Variants in ARMC2 observed in about 807,000 individuals in gnomAD.
ARMC2 encodes armadillo repeat containing 2, also known as armadillo repeat-containing protein 2.
Under a neutral mutation model 90.3 loss-of-function variants are expected in ARMC2, and 67 were observed. The ratio of observed to expected loss-of-function variants is 0.74; its 90% CI spans 0.61 to 0.91. The LOEUF (loss-of-function observed/expected upper bound fraction) is 0.91, where lower values mean the gene tolerates loss of function less well. Among genes scored for constraint, ARMC2 ranks in the 40% least tolerant of loss-of-function variants. The pLI is 0.00. For missense variants in ARMC2, 920 were observed against 1,030.9 expected (o/e 0.89, Z 1.47); for synonymous variants, 393 against 393.0 (o/e 1.00, Z 0.00).
the ARMC2 span, chr6:109,000,610 C>T: frequency 1.2e-6 from 2 of 1,611,814 alleles, no homozygotes; most frequent in Admixed American, 1.7e-5. Flanking sequence ...GGGTCCCCAC[C>T]AACATGAAGG....
the ARMC2 span, chr6:108,994,574 C>A: frequency 1.2e-6 from 2 of 1,613,262 alleles, no homozygotes; most frequent in Admixed American, 1.7e-5. Flanking sequence ...TCATCTTTTC[C>A]ATGAGGGCTT....
At chr6:109,027,553 A>G in the ARMC2 span, among the ~76,000 whole-genome samples, 2 of 151,544 alleles carry the variant, frequency 1.3e-5, no homozygotes, top group Non-Finnish European at 2.9e-5. Flanking sequence ...ATTTTAGTCA[A>G]TCTAATGGGT....
At chr6:109,042,696 A>G in the ARMC2 span, among the ~76,000 whole-genome samples, 1 of 152,192 alleles carries the variant, frequency 6.6e-6, no homozygotes, top group South Asian at 2.1e-4. Context: ...ATTGCTATTA[A>G]GAAAATTGAA....
At chr6:108,943,415 A>G (rs1000542669) in intron 12 of ARMC2, among the ~76,000 whole-genome samples, 2 of 152,202 alleles carry the variant, frequency 1.3e-5, no homozygotes, top group Non-Finnish European at 2.9e-5. Flanking sequence ...AAGCATTATT[A>G]TAAAGACAAA....
the ARMC2 span, chr6:109,009,366 T>C: frequency 6.8e-7 from 1 of 1,469,020 alleles, no homozygotes; most frequent in Non-Finnish European, 9.0e-7. Flanking sequence ...TACCTCGTCC[T>C]GGTCGCGGCC....
intron 2 of ARMC2, among the ~76,000 whole-genome samples, chr6:108,856,961 A>G (rs148266820): frequency 1.9e-4 from 29 of 152,198 alleles, no homozygotes; most frequent in African/African-American, 6.7e-4. Flanking sequence ...TACTGTCTTT[A>G]TTATTGTAGC....
chr6:108,904,803 C>T lies in ARMC2; in HGVS notation c.1023+398C>T, dbSNP rs151250757. On this transcript the variant is annotated intron_variant, in intron 8 of 17. Transcript: ENST00000392644. ...AGTGGTTTCTCTTGGATGCTTGATTCTGTCATATGATTTAATAAATAACTA... is the reference window on the plus strand; with the variant it reads ...AGTGGTTTCTCTTGGATGCTTGATTTTGTCATATGATTTAATAAATAACTA... 1.8e-3 allele frequency among the ~76,000 whole-genome samples: 272 copies of T among 152,274 alleles called. 2 individuals carry two copies. Among genetic ancestry groups the T allele is most frequent in the East Asian group, 0.011 (56 of 5,188 alleles).
intron 8 of ARMC2, among the ~76,000 whole-genome samples, chr6:108,908,705 G>A (rs1223946013): frequency 1.3e-5 from 2 of 151,858 alleles, no homozygotes; most frequent in East Asian, 1.9e-4. Flanking sequence ...CTGTAATGGC[G>A]GCATCACTGC....
At chr6:108,857,745 A>G (rs1774793769) in intron 2 of ARMC2, among the ~76,000 whole-genome samples, 1 of 150,430 alleles carries the variant, frequency 6.6e-6, no homozygotes. Flanking sequence ...GCTGATATGT[A>G]TTCTCTTTAG....
intron 6 of ARMC2, among the ~76,000 whole-genome samples, chr6:108,895,787 A>G (rs1213990372): frequency 6.6e-6 from 1 of 152,236 alleles, no homozygotes; most frequent in African/African-American, 2.4e-5. Flanking sequence ...ATGCGAAGTC[A>G]AGTGTAGTCA....
chr6:108,926,270 T>C (rs569932594), intron 10 of ARMC2, among the ~76,000 whole-genome samples: 7 of 152,330 alleles, frequency 4.6e-5, no homozygotes, highest in Non-Finnish European at 8.8e-5. Flanking sequence ...TCCGTCTCCA[T>C]GGAAGAGAGT....
the ARMC2 span, among the ~76,000 whole-genome samples, chr6:109,012,266 G>A: frequency 6.1e-5 from 9 of 148,586 alleles, no homozygotes; most frequent in Admixed American, 1.3e-4. Flanking sequence ...TTTTTGAGAC[G>A]GAGTCTCGCT....
intron 5 of ARMC2, among the ~76,000 whole-genome samples, chr6:108,885,423 C>A (rs549138872): frequency 3.9e-5 from 6 of 152,092 alleles, no homozygotes; most frequent in Non-Finnish European, 7.4e-5. Context: ...AAGTGATAAT[C>A]TGGCTGGACA....
chr6:109,004,737 T>C, the ARMC2 span, among the ~76,000 whole-genome samples: 1 of 151,482 alleles, frequency 6.6e-6, no homozygotes, highest in South Asian at 2.1e-4. Flanking sequence ...CCAACAATCG[T>C]ATTTTAAAAA....
chr6:109,037,489 C>A, the ARMC2 span, among the ~76,000 whole-genome samples: 4 of 152,180 alleles, frequency 2.6e-5, no homozygotes, highest in African/African-American at 9.6e-5. Context: ...TTACACAATG[C>A]AATTATTAAT....
chr6:108,850,866 C>T (rs1195823609), intron 1 of ARMC2, among the ~76,000 whole-genome samples: 3 of 152,104 alleles, frequency 2.0e-5, no homozygotes, highest in African/African-American at 7.2e-5. Context: ...TGGCAGAGAC[C>T]AGCCCGGGGC....
intron 10 of ARMC2, among the ~76,000 whole-genome samples, chr6:108,919,748 A>C (rs1041416707): frequency 6.6e-6 from 1 of 152,116 alleles, no homozygotes; most frequent in African/African-American, 2.4e-5. Flanking sequence ...GTCACCTCAG[A>C]AATTTCCTCC....
the ARMC2 span, chr6:109,000,339 G>T: frequency 2.0e-6 from 1 of 502,390 alleles, no homozygotes; most frequent in Non-Finnish European, 3.4e-6. Context: ...CCACAGAAAT[G>T]CTGTAACAGA....
intron 10 of ARMC2, among the ~76,000 whole-genome samples, chr6:108,913,493 A>G (rs980645521): frequency 1.3e-5 from 2 of 152,208 alleles, no homozygotes; most frequent in Non-Finnish European, 2.9e-5. Context: ...GGCTAGGAAG[A>G]CTTCAGAAAC....
Sources: gnomAD v4.1 joint callset for allele counts (sites outside exome capture counted in the v4.1 genomes callset) on GRCh38, gnomAD v4.1.1 for gene constraint, MANE v1.5 for transcripts, NCBI Gene and HGNC (gene_info 2026-07-23, HGNC 2026-07-21) for gene names.